Variants in STK31 observed in about 807,000 individuals in gnomAD.
STK31 encodes the protein serine/threonine-protein kinase 31.
In STK31, 89 loss-of-function variants were observed where a neutral mutation model predicts 129.7. The ratio of observed to expected loss-of-function variants is 0.69; its 90% CI spans 0.58 to 0.82. STK31 has a LOEUF of 0.82. Among genes scored for constraint, STK31 ranks in the 40% least tolerant of loss-of-function variants. STK31 has a pLI of 0.00. For synonymous variants in STK31, 448 were observed against 395.3 expected (o/e 1.13, Z -1.58); for missense variants, 1,187 against 1,176.4 (o/e 1.01, Z -0.13).
At chr7:23,821,252 C>T (rs1793768996) in intron 23 of STK31, among the ~76,000 whole-genome samples, 1 of 152,156 alleles carries the variant, frequency 6.6e-6, no homozygotes, top group Non-Finnish European at 1.5e-5. Context: ...TACTAATTTA[C>T]ATTTCCACTA....
At chr7:23,790,757 A>C in intron 21 of STK31, 67 bp from the exon 22 acceptor site, 2 of 1,355,558 alleles carry the variant, frequency 1.5e-6, no homozygotes, top group Non-Finnish European at 1.9e-6. Context: ...GATTAAATGC[A>C]GAGTACTTCA....
chr7:23,772,007 T>G, intron 14 of STK31, 140 bp from the exon 15 acceptor site: 1 of 554,044 alleles, frequency 1.8e-6, no homozygotes, highest in Non-Finnish European at 2.9e-6. Context: ...ATTGTCTTGT[T>G]GAAAATTATA....
chr7:23,752,464 C>T (rs543540083), intron 8 of STK31, among the ~76,000 whole-genome samples: 1 of 152,014 alleles, frequency 6.6e-6, no homozygotes, highest in Admixed American at 6.6e-5. Flanking sequence ...ATCCTCTCAC[C>T]TTAGCCTCCT....
At chr7:23,797,184 C>G (rs1237572204) in intron 22 of STK31, among the ~76,000 whole-genome samples, 4 of 151,274 alleles carry the variant, frequency 2.6e-5, no homozygotes, top group Non-Finnish European at 5.9e-5. Flanking sequence ...TAACACCCCA[C>G]CGTCAATATT....
intron 6 of STK31, among the ~76,000 whole-genome samples, chr7:23,731,301 G>T (rs528022205): frequency 6.6e-6 from 1 of 152,132 alleles, no homozygotes; most frequent in African/African-American, 2.4e-5. Flanking sequence ...TAGAAAGTCC[G>T]TGTTTAGTTA....
chr7:23,714,699 A>G (rs1278175175), intron 3 of STK31, among the ~76,000 whole-genome samples: 1 of 152,142 alleles, frequency 6.6e-6, no homozygotes, highest in East Asian at 1.9e-4. Context: ...TATTGTATTC[A>G]CTAGTGCAGC....
At chr7:23,797,013 A>C (rs557462900) in intron 22 of STK31, among the ~76,000 whole-genome samples, 1 of 152,360 alleles carries the variant, frequency 6.6e-6, no homozygotes, top group Non-Finnish European at 1.5e-5. Context: ...AAGAAAGTGT[A>C]AGAAGGGCAT....
chr7:23,758,139 T>A (rs1240899111), intron 10 of STK31, among the ~76,000 whole-genome samples: 2 of 152,204 alleles, frequency 1.3e-5, no homozygotes, highest in East Asian at 1.9e-4. Flanking sequence ...TCTTTCTGCA[T>A]TGACACAGTA....
intron 15 of STK31, among the ~76,000 whole-genome samples, chr7:23,780,999 G>A (rs1790889706): frequency 3.9e-5 from 6 of 152,152 alleles, no homozygotes; most frequent in Admixed American, 3.9e-4. Context: ...ATTATCATTG[G>A]AGACAGTTCA....
intron 3 of STK31, among the ~76,000 whole-genome samples, chr7:23,713,863 TAAA>T (rs202001495): frequency 1.3e-5 from 2 of 151,792 alleles, no homozygotes; most frequent in Non-Finnish European, 2.9e-5. Context: ...AAAATTATAG[TAAA>T]AAAAAATATA....
At chr7:23,802,654 T>TA (rs1369143933) in intron 22 of STK31, among the ~76,000 whole-genome samples, 1 of 152,114 alleles carries the variant, frequency 6.6e-6, no homozygotes, top group African/African-American at 2.4e-5. Flanking sequence ...GCTGGGATTA[T>TA]AGGCACCCGC....
intron 5 of STK31, among the ~76,000 whole-genome samples, chr7:23,728,647 A>G (rs978567298): frequency 2.0e-5 from 3 of 152,182 alleles, no homozygotes. Flanking sequence ...ATTAGTTTAC[A>G]TGGTCTACCT....
intron 23 of STK31, among the ~76,000 whole-genome samples, chr7:23,825,275 A>C (rs6947771): frequency 0.44 from 65,948 of 151,464 alleles, 14,660 homozygotes; most frequent in Admixed American, 0.52. Flanking sequence ...TCAATTTCAG[A>C]GCCTGTTATT....
At chr7:23,786,377 C>A in intron 18 of STK31, 131 bp from the exon 19 acceptor site, 1 of 1,004,270 alleles carries the variant, frequency 1.0e-6, no homozygotes, top group Non-Finnish European at 1.3e-6. Flanking sequence ...TAGAAAAGTA[C>A]TTATAAAATT....
intron 8 of STK31, among the ~76,000 whole-genome samples, chr7:23,738,076 G>A (rs955474368): frequency 1.3e-5 from 2 of 152,058 alleles, no homozygotes; most frequent in African/African-American, 4.8e-5. Flanking sequence ...GCCACAAATG[G>A]GGTCCCCAGG....
intron 22 of STK31, among the ~76,000 whole-genome samples, chr7:23,794,917 G>C: frequency 6.6e-6 from 1 of 152,132 alleles, no homozygotes; most frequent in East Asian, 1.9e-4. Flanking sequence ...ACAAAGATAT[G>C]GTTTGGAATT....
At chr7:23,730,878 A>ATATATATATATATATATATTTTT in intron 6 of STK31, among the ~76,000 whole-genome samples, 7 of 59,524 alleles carry the variant, frequency 1.2e-4, no homozygotes, top group Admixed American at 2.7e-4. Flanking sequence ...ATATATATAT[A>ATATATATATATATATATATTTTT]TTTTTTTTTT....
At position 23,732,540 on chromosome 7, in the gene STK31, A is replaced by T. The variant is rs759079001; in HGVS notation, c.484-2998A>T. ...TCAAGTTCAGGGTTCTGTGTTTATGATTATATATGATTCAGGGAGAATCTG... is the reference window on the plus strand; with the variant it reads ...TCAAGTTCAGGGTTCTGTGTTTATGTTTATATATGATTCAGGGAGAATCTG... On this transcript the variant is annotated intron_variant, in intron 6 of 23. Coordinates refer to ENST00000355870, the MANE Select transcript of STK31 (RefSeq NM_031414.5). Among the ~76,000 whole-genome samples, 4 of 152,144 alleles carry T rather than the reference A, an allele frequency of 2.6e-5. No homozygotes were observed. In the East Asian group the frequency reaches 7.7e-4, roughly 29 times the overall value.
chr7:23,790,974 CAT>C (rs745716638), intron 22 of STK31, 28 bp downstream of exon 22: 1,336 of 1,426,580 alleles, frequency 9.4e-4, no homozygotes, highest in South Asian at 1.4e-3. Flanking sequence ...TGAAATAGAT[CAT>C]ATATATATAT....
Sources: gnomAD v4.1 joint callset for allele counts (sites outside exome capture counted in the v4.1 genomes callset) on GRCh38, gnomAD v4.1.1 for gene constraint, MANE v1.5 for transcripts, NCBI Gene and HGNC (gene_info 2026-07-23, HGNC 2026-07-21) for gene names.